Variants in COPS3 observed in about 807,000 individuals in gnomAD.
COPS3 encodes the protein COP9 signalosome subunit 3.
Under a neutral mutation model 58.2 loss-of-function variants are expected in COPS3, and 10 were observed. The observed-to-expected ratio is 0.17, with a 90% CI of 0.11 to 0.29. The LOEUF (loss-of-function observed/expected upper bound fraction) is 0.29. Among genes scored for constraint, COPS3 ranks in the 10% least tolerant of loss-of-function variants. The pLI is 1.00. For missense variants in COPS3, 333 were observed against 510.1 expected (o/e 0.65, Z 3.34); for synonymous variants, 187 against 181.7 (o/e 1.03, Z -0.24).
At chr17:17,263,287 CA>C (rs71152856) in intron 6 of COPS3, among the ~76,000 whole-genome samples, 69,177 of 134,428 alleles carry the variant, frequency 0.51, 17,273 homozygotes, top group East Asian at 0.63. Flanking sequence ...GACTCCATTT[CA>C]AAAAAAAAAA....
chr17:17,261,542 A>ATAAG, intron 7 of COPS3: 1 of 341,692 alleles, frequency 2.9e-6, no homozygotes, highest in Non-Finnish European at 5.6e-6. Flanking sequence ...AAATAAATAA[A>ATAAG]TAAATAAAAT....
At chr17:17,280,691 A>G in intron 1 of COPS3, 2 of 1,284,266 alleles carry the variant, frequency 1.6e-6, no homozygotes, top group Non-Finnish European at 2.0e-6. Context: ...GACACCCAGA[A>G]CGGACTCGCC....
intron 2 of COPS3, among the ~76,000 whole-genome samples, chr17:17,275,799 G>C (rs1356183060): frequency 1.3e-5 from 2 of 152,102 alleles, no homozygotes; most frequent in Non-Finnish European, 2.9e-5. Flanking sequence ...AAAATTAGCT[G>C]GGGCGGGTGG....
intron 1 of COPS3, chr17:17,280,927 CG>C: frequency 1.1e-6 from 1 of 876,844 alleles, no homozygotes; most frequent in Non-Finnish European, 1.7e-6. Context: ...GGAGGCCGGC[CG>C]GCGAGGACAG....
intron 4 of COPS3, among the ~76,000 whole-genome samples, chr17:17,269,688 G>A (rs1181542267): frequency 1.1e-4 from 16 of 152,182 alleles, no homozygotes; most frequent in Admixed American, 1.0e-3. Flanking sequence ...TTCAGATTAA[G>A]GGACACTAAA....
intron 2 of COPS3, among the ~76,000 whole-genome samples, chr17:17,272,763 G>A (rs1254916479): frequency 1.3e-5 from 2 of 152,190 alleles, no homozygotes; most frequent in East Asian, 1.9e-4. Flanking sequence ...TTAGCTGGGT[G>A]TAGTGGTACA....
chr17:17,260,236 A>G, intron 8 of COPS3, 65 bp downstream of exon 8: 1 of 1,488,186 alleles, frequency 6.7e-7, no homozygotes, highest in Non-Finnish European at 9.3e-7. Flanking sequence ...CTGAAAAGGG[A>G]GAGAAAGGGA....
At chr17:17,250,005 T>C (rs901945763) in intron 9 of COPS3, among the ~76,000 whole-genome samples, 1 of 152,230 alleles carries the variant, frequency 6.6e-6, no homozygotes, top group Non-Finnish European at 1.5e-5. Flanking sequence ...TATCTAGTTC[T>C]GGAGCATTTT....
intron 1 of COPS3, among the ~76,000 whole-genome samples, chr17:17,279,449 A>C (rs1305808196): frequency 6.6e-6 from 1 of 152,210 alleles, no homozygotes; most frequent in Non-Finnish European, 1.5e-5. Flanking sequence ...ATAAATTAAC[A>C]AACCAGTGGT....
At chr17:17,258,832 GTTC>G (rs2048033087) in intron 8 of COPS3, among the ~76,000 whole-genome samples, 1 of 152,052 alleles carries the variant, frequency 6.6e-6, no homozygotes, top group South Asian at 2.1e-4. Context: ...TCTCTTTCAC[GTTC>G]TTCATTTTTC....
At chr17:17,275,304 C>G (rs1437955502) in intron 2 of COPS3, among the ~76,000 whole-genome samples, 1 of 152,050 alleles carries the variant, frequency 6.6e-6, no homozygotes, top group Non-Finnish European at 1.5e-5. Context: ...CCAGGCAGGT[C>G]TGGAGCTCCT....
chr17:17,261,711 AT>A, intron 7 of COPS3: 1 of 441,114 alleles, frequency 2.3e-6, no homozygotes, highest in East Asian at 5.5e-5. Context: ...AAAAAAAAAA[AT>A]CAACTGTTAT....
At chr17:17,261,298 G>A (rs561542681) in intron 7 of COPS3, among the ~76,000 whole-genome samples, 8 of 151,146 alleles carry the variant, frequency 5.3e-5, no homozygotes, top group South Asian at 2.1e-4. Context: ...AGGCCGAGGC[G>A]GGTGGATCAC....
chr17:17,271,861 C>T (rs892999128), intron 2 of COPS3, among the ~76,000 whole-genome samples: 4 of 96,566 alleles, frequency 4.1e-5, no homozygotes, highest in East Asian at 4.8e-4. Flanking sequence ...TATATATACA[C>T]ACATACACAC....
chr17:17,256,883 G>T (rs1352089059), intron 8 of COPS3, among the ~76,000 whole-genome samples: 1 of 152,168 alleles, frequency 6.6e-6, no homozygotes, highest in African/African-American at 2.4e-5. Flanking sequence ...AAGCCACTGT[G>T]CCTGGCCATA....
intron 5 of COPS3, among the ~76,000 whole-genome samples, chr17:17,267,658 A>G (rs1416361663): frequency 6.8e-6 from 1 of 148,038 alleles, no homozygotes; most frequent in Non-Finnish European, 1.5e-5. Flanking sequence ...AAAAAAAGTT[A>G]CAACTATTAA....
At chr17:17,249,316 T>TTTTA (rs533955606) in intron 9 of COPS3, among the ~76,000 whole-genome samples, 3,845 of 151,988 alleles carry the variant, frequency 0.025, 61 homozygotes, top group Non-Finnish European at 0.041. Context: ...TAATTAACCA[T>TTTTA]TTTATTTATT....
chr17:17,260,717 C>A (rs890155767), intron 7 of COPS3: 2 of 259,508 alleles, frequency 7.7e-6, no homozygotes, highest in Non-Finnish European at 7.5e-6. Flanking sequence ...GCAAGAGAAT[C>A]GCTTGAACCC....
At chr17:17,271,877 T>C (rs536536662) in intron 2 of COPS3, among the ~76,000 whole-genome samples, 3,812 of 129,842 alleles carry the variant, frequency 0.029, 181 homozygotes, top group African/African-American at 0.094. Context: ...CACACACATA[T>C]GTTTAATAAT....
Sources: gnomAD v4.1 joint callset for allele counts (sites outside exome capture counted in the v4.1 genomes callset) on GRCh38, gnomAD v4.1.1 for gene constraint, MANE v1.5 for transcripts, NCBI Gene and HGNC (gene_info 2026-07-23, HGNC 2026-07-21) for gene names.